The following ITGA7 variants were observed in gnomAD, a reference collection of about 807,000 sequenced individuals.
ITGA7 encodes integrin alpha-7.
ITGA7 carries 84 observed loss-of-function variants against 131.6 expected under a neutral mutation model. That is an observed-to-expected ratio of 0.64 (90% confidence interval 0.54 to 0.77). The LOEUF is 0.77. Among genes scored for constraint, ITGA7 ranks in the 30% least tolerant of loss-of-function variants. ITGA7 has a pLI of 0.00. For synonymous variants in ITGA7, 548 were observed against 600.7 expected (o/e 0.91, Z 1.28); for missense variants, 1,399 against 1,482.9 (o/e 0.94, Z 0.93).
In ITGA7 at chr12:55,687,961, C is replaced by T; in HGVS notation, c.3183+10G>A. 6.2e-7 allele frequency: 1 copy of T among 1,614,140 alleles called. No homozygotes were observed. Among genetic ancestry groups the T allele is most frequent in the Non-Finnish European group, 8.5e-7 (1 of 1,180,026 alleles). ...AGTCCACCCCCATCAGCCCCACCTC[C>T]AAGCCTCACCTTCCACAGGAGCAGC... On this transcript the variant is annotated intron_variant, in intron 24 of 24. Coordinates refer to ENST00000257879, the MANE Select transcript of ITGA7 (RefSeq NM_002206.3).
Position 55,707,491 on chromosome 12 carries a change from G to C in ITGA7, c.192C>G (p.Pro64=), listed in dbSNP as rs757928064. ...CGGTGACTCACCAGCTCTGGGGTCG[G>C]GGCTGCAACTGCCGGTGCAGGGCCA... The part of the protein sequence containing the change: ...FSVALHRQLQ[P]RPQSWLLVGA... Residue 64 remains proline (P), a synonymous_variant, in exon 1 of 25, where the codon CCC becomes CCG. Transcript: ENST00000257879. 28 of 1,613,532 alleles carry C rather than the reference G, an allele frequency of 1.7e-5. No homozygotes were observed. The South Asian group carries it at 3.1e-4, about 18-fold the overall frequency.
intron 5 of ITGA7, 57 bp from the exon 6 acceptor site, chr12:55,698,974 G>A (rs1565631947): frequency 1.4e-6 from 2 of 1,472,490 alleles, no homozygotes; most frequent in Non-Finnish European, 1.9e-6. Context: ...AAGCTGGGGT[G>A]TGTCACAGCT....
intron 24 of ITGA7, among the ~76,000 whole-genome samples, chr12:55,687,433 C>T (rs1243574612): frequency 4.0e-5 from 6 of 151,028 alleles, no homozygotes; most frequent in African/African-American, 9.7e-5. Context: ...AGGTGATCCA[C>T]TCACCTCAGC....
At chr12:55,692,503 G>A (rs1871655179) in intron 21 of ITGA7, among the ~76,000 whole-genome samples, 1 of 152,242 alleles carries the variant, frequency 6.6e-6, no homozygotes, top group African/African-American at 2.4e-5. Context: ...TCTTATAAGA[G>A]TTCAAAAGAA....
Position 55,693,279 on chromosome 12 carries a change from AG to A in ITGA7, c.2573del (p.Ser858LeufsTer134). On this transcript the variant is annotated frameshift_variant, in exon 20 of 25. Coordinates refer to ENST00000257879, the MANE Select transcript of ITGA7 (RefSeq NM_002206.3). LOFTEE classifies it high-confidence loss of function. ...NQGQSLRTLGSAFLNIMWPHE... is the reference protein window; with the variant it reads ...NQGQSLRTLGXAFLNIMWPHE... ...GAGGCCACATGATGTTGAGGAAGGC[AG>A]AGCCCAGGGTTCTGAGCGACTGGCC... is the stretch of plus-strand genomic sequence containing the variant. 1.2e-6 allele frequency: 2 copies of A among 1,614,178 alleles called. No homozygotes were observed. Among genetic ancestry groups the A allele is most frequent in the Non-Finnish European group, 1.7e-6 (2 of 1,180,036 alleles).
intron 13 of ITGA7, among the ~76,000 whole-genome samples, chr12:55,696,060 C>T (rs1003021155): frequency 2.0e-5 from 3 of 152,188 alleles, no homozygotes; most frequent in African/African-American, 7.2e-5. Flanking sequence ...TTGAAGATTA[C>T]AGAATCCCAT....
chr12:55,705,969 C>G (rs1875093706), intron 1 of ITGA7, among the ~76,000 whole-genome samples: 1 of 152,182 alleles, frequency 6.6e-6, no homozygotes. Context: ...CACATACCCC[C>G]CGCCCCCCAG....
upstream of ITGA7, chr12:55,716,162 C>G (rs1184293887): frequency 6.2e-7 from 1 of 1,612,464 alleles, no homozygotes; most frequent in South Asian, 1.1e-5. Context: ...TAAAAGAACA[C>G]CAGGCCAAGC....
upstream of ITGA7, among the ~76,000 whole-genome samples, chr12:55,709,436 T>C (rs1875832430): frequency 6.6e-6 from 1 of 152,220 alleles, no homozygotes; most frequent in Admixed American, 6.5e-5. Flanking sequence ...TTTGGAAGTC[T>C]GGCCCTCTGT....
rs1869799678 is a variant in ITGA7, at chr12:55,685,169, C to T, written c.3303G>A (p.Arg1101=). 6.2e-7 allele frequency: 1 copy of T among 1,614,120 alleles called. No homozygotes were observed. The change falls in exon 25 of 25, where the codon AGG becomes AGA. Residue 1101 remains arginine (R), a synonymous_variant. Coordinates refer to ENST00000257879, the MANE Select transcript of ITGA7 (RefSeq NM_002206.3). ...FKEEKTGTIL[R]NNWGSPRREG... ...CCCGCCGGGGGCTGCCCCAGTTGTTCCTCAGGATGGTGCCCGTCTTCTCCT... is the reference window on the plus strand; with the variant it reads ...CCCGCCGGGGGCTGCCCCAGTTGTTTCTCAGGATGGTGCCCGTCTTCTCCT...
upstream of ITGA7, among the ~76,000 whole-genome samples, chr12:55,713,833 G>A (rs1378357912): frequency 1.3e-5 from 2 of 152,142 alleles, no homozygotes; most frequent in Non-Finnish European, 2.9e-5. Flanking sequence ...ATGCTATTCT[G>A]CAAATAGTTG....
chr12:55,715,972 C>T (rs1033754608), upstream of ITGA7: 19 of 1,457,226 alleles, frequency 1.3e-5, no homozygotes, highest in Middle Eastern at 2.2e-4. Flanking sequence ...CAACCCTCTA[C>T]CTCTCTTCCC....
chr12:55,692,413 TCAA>T (rs1022570087), intron 21 of ITGA7, among the ~76,000 whole-genome samples: 6 of 152,214 alleles, frequency 3.9e-5, no homozygotes, highest in East Asian at 1.9e-4. Context: ...AGACTCCGTC[TCAA>T]CAACAACAAA....
intron 13 of ITGA7, among the ~76,000 whole-genome samples, chr12:55,695,989 C>T (rs1355281551): frequency 6.6e-6 from 1 of 152,130 alleles, no homozygotes; most frequent in African/African-American, 2.4e-5. Context: ...AGCAAGGGGC[C>T]TCATGTTCTC....
In ITGA7 at chr12:55,692,829, C is replaced by A; in HGVS notation, c.2844+15G>T. 1.2e-6 allele frequency: 2 copies of A among 1,600,730 alleles called. No individual in the cohort carries two copies. Among genetic ancestry groups the A allele is most frequent in the South Asian group, 1.1e-5 (1 of 89,174 alleles). On this transcript the variant is annotated intron_variant, in intron 21 of 24. Transcript: ENST00000257879. ...CCCCGGAGCTCTGGCTGCACCGAGT[C>A]TGGCCTGCCCTCACCAGGGTGATGT...
At chr12:55,697,632 G>A (rs569639100) in intron 9 of ITGA7, 63 bp downstream of exon 9, 100 of 1,612,904 alleles carry the variant, frequency 6.2e-5, no homozygotes, top group Admixed American at 2.0e-4. Flanking sequence ...CACTGAGGTC[G>A]GGGTCAGAGT....
At chr12:55,689,051 C>T in intron 21 of ITGA7, 94 bp from the exon 22 acceptor site, 1 of 915,166 alleles carries the variant, frequency 1.1e-6, no homozygotes, top group South Asian at 1.4e-5. Flanking sequence ...CTCAAACTCC[C>T]CTCCTCCAGG....
In ITGA7 at chr12:55,692,846, G is replaced by C; in HGVS notation, c.2842C>G (p.Leu948Val). Residue 948 changes from leucine to valine, a missense_variant and splice_region_variant, in exon 21 of 25, where the codon CTG becomes GTG. Coordinates refer to ENST00000257879, the MANE Select transcript of ITGA7 (RefSeq NM_002206.3). ...CACCGAGTCTGGCCTGCCCTCACCA[G>C]GGTGATGTTTTTCTTCTTCTCAGCA... is the stretch of plus-strand genomic sequence containing the variant. ...SSAEKKKNIT[L>V]DCARGTANCV... The C allele has an allele frequency of 6.2e-7, 1 of 1,610,394 alleles. No individual in the cohort carries two copies. The highest frequency in any genetic ancestry group is 8.5e-7 in the Non-Finnish European group (1 of 1,178,424).
intron 1 of ITGA7, 130 bp downstream of exon 1, chr12:55,707,347 T>C (rs1270178131): frequency 1.4e-6 from 1 of 730,800 alleles, no homozygotes; most frequent in Non-Finnish European, 2.3e-6. Flanking sequence ...CAGGTTGGGA[T>C]GTGGGATGTC....
Sources: allele counts gnomAD v4.1 joint callset (sites outside exome capture counted in the v4.1 genomes callset), GRCh38; gene constraint gnomAD v4.1.1; transcripts MANE v1.5; gene names NCBI Gene and HGNC (gene_info 2026-07-23, HGNC 2026-07-21).